Variants in TMEM132D observed in about 807,000 individuals in gnomAD.
TMEM132D encodes the protein mature OL transmembrane protein.
A neutral mutation model predicts 62.3 loss-of-function variants in TMEM132D; 21 were observed. The ratio of observed to expected loss-of-function variants is 0.34; its 90% confidence interval spans 0.24 to 0.49. TMEM132D has a LOEUF of 0.49. TMEM132D is among the 20% of genes least tolerant of loss of function. The pLI is 0.99. For missense variants in TMEM132D, 1,346 were observed against 1,402.8 expected, an observed-to-expected ratio of 0.96 and a Z score of 0.65; for synonymous variants, 621 against 575.6, an observed-to-expected ratio of 1.08 and a Z score of -1.13.
chr12:129,413,306 A>G (rs1334200743), intron 3 of TMEM132D, among the ~76,000 whole-genome samples: 2 of 149,302 alleles, frequency 1.3e-5, no homozygotes, highest in African/African-American at 2.5e-5. Context: ...ATAAGGGGAA[A>G]CCCTTTTCAC....
At chr12:129,483,723 C>T (rs1465218382) in intron 3 of TMEM132D, among the ~76,000 whole-genome samples, 2 of 152,182 alleles carry the variant, frequency 1.3e-5, no homozygotes, top group South Asian at 2.1e-4. Flanking sequence ...CGCTCCCCTT[C>T]GTGGTGACGC....
rs543549773 is a variant in TMEM132D at position 129,649,950 on chromosome 12, G to GTA, written c.968+49858_968+49859dup. ...TATGTTTATGTATGTGTGTGTGTGT[G>GTA]TATGTGTATATACAGAATAATCACC... On this transcript the variant is annotated intron_variant, in intron 2 of 8. Transcript: ENST00000422113. Among the ~76,000 whole-genome samples, 10 of 151,930 alleles carry GTA rather than the reference G, an allele frequency of 6.6e-5. No individual in the cohort carries two copies. The South Asian group carries it at 2.1e-3, about 32-fold the overall frequency.
intron 2 of TMEM132D, among the ~76,000 whole-genome samples, chr12:129,639,382 TAAAAAAAAAAAAA>T (rs34476667): frequency 2.2e-5 from 2 of 90,470 alleles, no homozygotes; most frequent in Admixed American, 2.9e-4. Context: ...GACTCTGTCT[TAAAAAAAAAAAAA>T]AAAAAAAAAA....
chr12:129,808,084 T>G (rs527284478), intron 1 of TMEM132D, among the ~76,000 whole-genome samples: 4 of 152,240 alleles, frequency 2.6e-5, no homozygotes, highest in Non-Finnish European at 5.9e-5. Flanking sequence ...TAGGAAACGG[T>G]GATTTAGATT....
chr12:129,689,695 G>A (rs1279478027), intron 2 of TMEM132D, among the ~76,000 whole-genome samples: 1 of 152,138 alleles, frequency 6.6e-6, no homozygotes, highest in Non-Finnish European at 1.5e-5. Flanking sequence ...GGCTTCATGA[G>A]CCATACCAAT....
At position 129,271,360 on chromosome 12, in the gene TMEM132D, G is replaced by T. The variant is rs570997969; in HGVS notation, c.1300-61697C>A. Among the ~76,000 whole-genome samples, 4 of 151,834 alleles carry T rather than the reference G, an allele frequency of 2.6e-5. No individual in the cohort carries two copies. In the South Asian group the frequency reaches 8.3e-4, roughly 31 times the overall value. ...GAAATCTTAGACCTCTCCTATAGAA[G>T]AGACCTCAGAACAGTTTTTCTTTTT... On this transcript the variant is annotated intron_variant, in intron 4 of 8. Coordinates refer to ENST00000422113, the MANE Select transcript of TMEM132D (RefSeq NM_133448.3).
At position 129,226,329 on chromosome 12, in the gene TMEM132D, T is replaced by C. The variant is rs182973335; in HGVS notation, c.1300-16666A>G. Reference sequence around the variant, plus strand: ...GATCACAGGGCAATGCCTGTGGGCATGGGCCTTGAGCATCTCTTCTCATGC... The same window carrying C: ...GATCACAGGGCAATGCCTGTGGGCACGGGCCTTGAGCATCTCTTCTCATGC... On this transcript the variant is annotated intron_variant, in intron 4 of 8. Transcript: ENST00000422113. 2.5e-4 allele frequency among the ~76,000 whole-genome samples: 38 copies of C among 152,402 alleles called. No individual in the cohort carries two copies. The East Asian group carries it at 7.1e-3, about 29-fold the overall frequency.
Position 129,209,607 on chromosome 12 carries a change from C to T in TMEM132D, c.1356G>A (p.Val452=). Residue 452 remains valine (V), a synonymous_variant, in exon 5 of 9, where the codon GTG becomes GTA. Transcript: ENST00000422113. ...ILTGKTVAVP[V]KVVSVEDDGT... ...CGTCGTCCTCCACGGAGACCACTTT[C>T]ACCGGGACGGCCACCGTCTTCCCCG... 3 of 1,614,218 alleles carry T rather than the reference C, an allele frequency of 1.9e-6. No homozygotes were observed. The highest frequency in any genetic ancestry group is 2.5e-6 in the Non-Finnish European group (3 of 1,180,036).
chr12:129,583,018 C>CA (rs1877920967), intron 2 of TMEM132D, among the ~76,000 whole-genome samples: 2 of 152,056 alleles, frequency 1.3e-5, no homozygotes, highest in Non-Finnish European at 2.9e-5. Flanking sequence ...CAATATTGGC[C>CA]AGACTGGTCT....
chr12:129,222,790 A>C (rs1182716409), intron 4 of TMEM132D, among the ~76,000 whole-genome samples: 1 of 152,164 alleles, frequency 6.6e-6, no homozygotes. Flanking sequence ...TAAAGGGTAC[A>C]CATTTTCAGC....
At chr12:129,418,762 C>T (rs1175739077) in intron 3 of TMEM132D, among the ~76,000 whole-genome samples, 1 of 151,994 alleles carries the variant, frequency 6.6e-6, no homozygotes, top group Admixed American at 6.6e-5. Context: ...AAAAGTGGGG[C>T]CTCTACAGTT....
At chr12:129,815,499 C>A (rs564182614) in intron 1 of TMEM132D, among the ~76,000 whole-genome samples, 1 of 152,312 alleles carries the variant, frequency 6.6e-6, no homozygotes, top group African/African-American at 2.4e-5. Context: ...ACTGTCTCAC[C>A]GTTCCAGGAG....
intron 3 of TMEM132D, among the ~76,000 whole-genome samples, chr12:129,356,615 G>T (rs866249253): frequency 8.8e-4 from 131 of 148,314 alleles, no homozygotes; most frequent in African/African-American, 3.1e-3. Context: ...CCCAGGAGTT[G>T]GAGACTATTC....
intron 1 of TMEM132D, among the ~76,000 whole-genome samples, chr12:129,721,315 A>G (rs1868820246): frequency 6.6e-6 from 1 of 152,134 alleles, no homozygotes; most frequent in African/African-American, 2.4e-5. Flanking sequence ...GAATCCAACC[A>G]CAAGAGGGTC....
At chr12:129,175,619 A>T (rs965108268) in intron 5 of TMEM132D, among the ~76,000 whole-genome samples, 1 of 152,192 alleles carries the variant, frequency 6.6e-6, no homozygotes, top group African/African-American at 2.4e-5. Context: ...GACGCAAGAG[A>T]ATCACTTGAA....
chr12:129,099,067 G>A (rs557035928), intron 5 of TMEM132D, among the ~76,000 whole-genome samples: 1 of 152,266 alleles, frequency 6.6e-6, no homozygotes, highest in Non-Finnish European at 1.5e-5. Flanking sequence ...CAACACAGCC[G>A]GATAGACTTT....
chr12:129,283,206 T>C (rs1005467185), intron 4 of TMEM132D, among the ~76,000 whole-genome samples: 4 of 152,228 alleles, frequency 2.6e-5, no homozygotes, highest in Non-Finnish European at 5.9e-5. Context: ...GCTCTGGGCA[T>C]TCAGCAGTGA....
intron 3 of TMEM132D, among the ~76,000 whole-genome samples, chr12:129,365,128 C>T (rs762827973): frequency 9.2e-5 from 14 of 152,096 alleles, no homozygotes; most frequent in East Asian, 1.9e-4. Context: ...TTATGTGCTT[C>T]GGAGTCCACA....
At chr12:129,451,044 G>C (rs1024625172) in intron 3 of TMEM132D, among the ~76,000 whole-genome samples, 2 of 152,052 alleles carry the variant, frequency 1.3e-5, no homozygotes, top group African/African-American at 4.8e-5. Context: ...TTACAGGCGT[G>C]AGCCACCGCG....
Sources: allele counts gnomAD v4.1 joint callset (sites outside exome capture counted in the v4.1 genomes callset), GRCh38; gene constraint gnomAD v4.1.1; transcripts MANE v1.5; gene names NCBI Gene and HGNC (gene_info 2026-07-23, HGNC 2026-07-21).